PRKG1: variants seen among roughly 807,000 people sequenced by gnomAD.
PRKG1 encodes protein kinase cGMP-dependent 1.
A neutral mutation model predicts 88.1 loss-of-function variants in PRKG1; 35 were observed. The observed-to-expected ratio is 0.40, with a 90% confidence interval of 0.30 to 0.53. PRKG1 has a LOEUF of 0.53. PRKG1 is among the 20% of genes least tolerant of loss of function. PRKG1 has a pLI of 0.59. For missense variants in PRKG1, 540 were observed against 839.8 expected, an observed-to-expected ratio of 0.64 and a Z score of 4.41; for synonymous variants, 303 against 292.5, an observed-to-expected ratio of 1.04 and a Z score of -0.37.
intron 2 of PRKG1, among the ~76,000 whole-genome samples, chr10:51,236,790 C>T (rs929936385): frequency 5.9e-5 from 9 of 152,142 alleles, no homozygotes; most frequent in African/African-American, 2.2e-4. Flanking sequence ...AGGTATGAGC[C>T]ACCACGCTCA....
At chr10:51,851,836 T>C (rs1392059434) in intron 4 of PRKG1, among the ~76,000 whole-genome samples, 1 of 152,140 alleles carries the variant, frequency 6.6e-6, no homozygotes, top group Non-Finnish European at 1.5e-5. Flanking sequence ...GGCGAATAAA[T>C]TAAAAGCTAG....
chr10:51,847,906 T>C (rs75580197), intron 4 of PRKG1, among the ~76,000 whole-genome samples: 2,331 of 145,734 alleles, frequency 0.016, 64 homozygotes, highest in African/African-American at 0.056. Flanking sequence ...TATTCTCTTG[T>C]CTAAAGCACT....
intron 2 of PRKG1, among the ~76,000 whole-genome samples, chr10:51,325,443 C>G (rs1028386980): frequency 6.6e-6 from 1 of 152,290 alleles, no homozygotes; most frequent in Admixed American, 6.5e-5. Flanking sequence ...AAGTGAAACG[C>G]CTGCCTCATT....
chr10:51,412,711 G>A (rs973689788), intron 2 of PRKG1, among the ~76,000 whole-genome samples: 1 of 152,072 alleles, frequency 6.6e-6, no homozygotes, highest in African/African-American at 2.4e-5. Flanking sequence ...TCAGTTTATG[G>A]GGAAGCACAA....
rs1417205611 is a variant in PRKG1 at position 51,610,972 on chromosome 10, T to C, written c.592+143136T>C. Among the ~76,000 whole-genome samples, 7 of 151,816 alleles carry C rather than the reference T, an allele frequency of 4.6e-5. 1 individual carries two copies. Among genetic ancestry groups the C allele is most frequent in the Middle Eastern group, 6.8e-3 (2 of 292 alleles). ...GCTTAAAACCTAGGTGATGGACTGA[T>C]AGGTGCAGCAAACCACCATGGCACA... On this transcript the variant is annotated intron_variant, in intron 3 of 17. Coordinates refer to ENST00000373980, the MANE Select transcript of PRKG1 (RefSeq NM_006258.4).
At chr10:51,278,355 C>A (rs1226899631) in intron 2 of PRKG1, among the ~76,000 whole-genome samples, 1 of 152,108 alleles carries the variant, frequency 6.6e-6, no homozygotes, top group Non-Finnish European at 1.5e-5. Context: ...ATTCAGTTTG[C>A]CCGTATTCTG....
intron 5 of PRKG1, among the ~76,000 whole-genome samples, chr10:51,996,314 CAAAAAAAA>C (rs59174399): frequency 1.3e-4 from 4 of 30,024 alleles, no homozygotes; most frequent in East Asian, 3.1e-3. Context: ...GACTCCATCT[CAAAAAAAA>C]AAAAAAAAAA....
At chr10:51,171,327 T>C (rs1228532840) in intron 2 of PRKG1, among the ~76,000 whole-genome samples, 1 of 152,140 alleles carries the variant, frequency 6.6e-6, no homozygotes, top group Non-Finnish European at 1.5e-5. Flanking sequence ...AACAAAGAGC[T>C]CTCAAAATAT....
intron 2 of PRKG1, among the ~76,000 whole-genome samples, chr10:51,384,252 T>C (rs1408076663): frequency 6.6e-6 from 1 of 152,154 alleles, no homozygotes; most frequent in Non-Finnish European, 1.5e-5. Flanking sequence ...ATTCCAAATA[T>C]ATGTTAGTGT....
At chr10:51,234,852 C>T (rs1022335891) in intron 2 of PRKG1, among the ~76,000 whole-genome samples, 3 of 151,908 alleles carry the variant, frequency 2.0e-5, no homozygotes, top group African/African-American at 4.8e-5. Flanking sequence ...TAATAACTTA[C>T]GATTTTTGCT....
At chr10:51,145,995 C>T (rs940525695) in intron 1 of PRKG1, among the ~76,000 whole-genome samples, 11 of 151,794 alleles carry the variant, frequency 7.2e-5, no homozygotes. Context: ...GGTGAAACCC[C>T]GTTTCTACTA....
chr10:51,399,514 T>A (rs2084944489), intron 2 of PRKG1, among the ~76,000 whole-genome samples: 1 of 152,232 alleles, frequency 6.6e-6, no homozygotes, highest in African/African-American at 2.4e-5. Context: ...ATCTTTCCGG[T>A]ATCTGAACCC....
At chr10:52,105,765 G>T (rs1056660619) in intron 7 of PRKG1, among the ~76,000 whole-genome samples, 24 of 151,674 alleles carry the variant, frequency 1.6e-4, no homozygotes, top group African/African-American at 5.6e-4. Context: ...TCCTGATGTT[G>T]TCCCTCCCCC....
intron 2 of PRKG1, among the ~76,000 whole-genome samples, chr10:51,239,458 AAC>A (rs1020225935): frequency 4.6e-5 from 7 of 152,208 alleles, no homozygotes; most frequent in Non-Finnish European, 1.0e-4. Context: ...GGTTATGAAA[AAC>A]ACAGTTAGCC....
chr10:51,632,273 C>T (rs554574064), intron 3 of PRKG1, among the ~76,000 whole-genome samples: 2 of 152,014 alleles, frequency 1.3e-5, no homozygotes, highest in Admixed American at 6.6e-5. Flanking sequence ...AAACAGTGAC[C>T]CCCATGTGAT....
chr10:51,128,208 T>TAA (rs11405882), intron 1 of PRKG1, among the ~76,000 whole-genome samples: 75 of 150,902 alleles, frequency 5.0e-4, no homozygotes, highest in East Asian at 4.1e-3. Context: ...TTGTGATACT[T>TAA]AAAAAAAATC....
chr10:51,118,551 T>C lies in PRKG1; in HGVS notation c.312-34613T>C, dbSNP rs923613692. ...TAGTACTTTTATCTGTGCCAAATACTGTACTAAATGTTTTCCATGAATTTT... is the reference window on the plus strand; with the variant it reads ...TAGTACTTTTATCTGTGCCAAATACCGTACTAAATGTTTTCCATGAATTTT... On this transcript the variant is annotated intron_variant, in intron 1 of 17. Transcript: ENST00000373980. Among the ~76,000 whole-genome samples the C allele has an allele frequency of 2.0e-5, 3 of 152,316 alleles. No homozygotes were observed. The East Asian group carries it at 5.8e-4, about 29-fold the overall frequency.
At chr10:51,781,918 G>A (rs757171104) in intron 3 of PRKG1, among the ~76,000 whole-genome samples, 2 of 151,232 alleles carry the variant, frequency 1.3e-5, no homozygotes, top group Non-Finnish European at 2.9e-5. Flanking sequence ...TCATCATCAC[G>A]TTCCCCCTCA....
chr10:52,185,196 A>T (rs1157486688), intron 9 of PRKG1: 2 of 152,244 alleles, frequency 1.3e-5, no homozygotes, highest in Non-Finnish European at 2.9e-5. Context: ...TACACCCAAG[A>T]TACAATGGTG....
Sources: allele counts gnomAD v4.1 joint callset (sites outside exome capture counted in the v4.1 genomes callset), GRCh38; gene constraint gnomAD v4.1.1; transcripts MANE v1.5; gene names NCBI Gene and HGNC (gene_info 2026-07-23, HGNC 2026-07-21).